Variants in PCDH15 observed in about 807,000 individuals in gnomAD.
PCDH15 encodes protocadherin related 15.
A neutral mutation model predicts 178.5 loss-of-function variants in PCDH15; 129 were observed. The observed-to-expected ratio is 0.72, with a 90% confidence interval of 0.63 to 0.84. The LOEUF (loss-of-function observed/expected upper bound fraction) is 0.84. Ranked by LOEUF, PCDH15 falls within the 40% of genes least tolerant of loss-of-function variation. The pLI is 0.00. For synonymous variants in PCDH15, 800 were observed against 732.0 expected (o/e 1.09, Z -1.50); for missense variants, 2,230 against 2,099.9 (o/e 1.06, Z -1.21).
chr10:54,414,630 T>G (rs377311011), intron 3 of PCDH15, among the ~76,000 whole-genome samples: 1 of 152,254 alleles, frequency 6.6e-6, no homozygotes. Context: ...TATGAAAATA[T>G]TAACTGATTT....
intron 1 of PCDH15, among the ~76,000 whole-genome samples, chr10:55,287,115 T>C (rs1408932652): frequency 1.3e-5 from 2 of 151,806 alleles, no homozygotes; most frequent in African/African-American, 2.4e-5. Context: ...ATATTCACAA[T>C]AAGAAAAAAA....
chr10:55,009,373 A>G (rs997333495), intron 2 of PCDH15, among the ~76,000 whole-genome samples: 1 of 152,172 alleles, frequency 6.6e-6, no homozygotes, highest in Middle Eastern at 3.4e-3. Context: ...AACAGCATTA[A>G]CAAGACTAGA....
chr10:54,241,775 C>T (rs2055324783), intron 8 of PCDH15, among the ~76,000 whole-genome samples: 1 of 151,688 alleles, frequency 6.6e-6, no homozygotes, highest in Admixed American at 6.6e-5. Context: ...GAATTAGGTC[C>T]ATATAAAGAG....
At chr10:53,807,533 A>G (rs1233243070) in intron 37 of PCDH15, among the ~76,000 whole-genome samples, 3 of 152,174 alleles carry the variant, frequency 2.0e-5, no homozygotes, top group Non-Finnish European at 4.4e-5. Context: ...GTTCATATTA[A>G]CGCTTCTATT....
chr10:53,934,618 C>T (rs1365584505), intron 25 of PCDH15, among the ~76,000 whole-genome samples: 3 of 151,546 alleles, frequency 2.0e-5, no homozygotes, highest in Middle Eastern at 3.4e-3. Context: ...AAAAATCACA[C>T]GGAGATGTAA....
intron 10 of PCDH15, among the ~76,000 whole-genome samples, chr10:54,204,362 A>C (rs918514906): frequency 1.9e-5 from 1 of 52,862 alleles, no homozygotes; most frequent in African/African-American, 8.4e-5. Flanking sequence ...TGCAAAAAAA[A>C]AAAGAGAAAA....
chr10:54,234,656 A>G (rs1591335263), intron 9 of PCDH15, among the ~76,000 whole-genome samples: 1 of 152,338 alleles, frequency 6.6e-6, no homozygotes, highest in East Asian at 1.9e-4. Context: ...TAACATGGAC[A>G]GTACAATTTC....
intron 34 of PCDH15, among the ~76,000 whole-genome samples, chr10:53,817,527 C>CT (rs568238130): frequency 0.035 from 3,354 of 95,026 alleles, 58 homozygotes; most frequent in Middle Eastern, 0.075. Flanking sequence ...TTTTTTTTTT[C>CT]TTTTTTTTTT....
chr10:54,924,558 C>T (rs1035117433), intron 2 of PCDH15, among the ~76,000 whole-genome samples: 23 of 88,322 alleles, frequency 2.6e-4, no homozygotes, highest in African/African-American at 7.2e-4. Flanking sequence ...TACACTCCCC[C>T]CATAGCATAT....
intron 19 of PCDH15, 39 bp downstream of exon 19, chr10:54,022,853 A>C (rs960109023): frequency 6.2e-7 from 1 of 1,603,402 alleles, no homozygotes; most frequent in Non-Finnish European, 8.5e-7. Flanking sequence ...CAAATCTCCT[A>C]ATGTAGGATT....
At chr10:54,975,635 A>G (rs1839050815) in intron 2 of PCDH15, among the ~76,000 whole-genome samples, 1 of 152,278 alleles carries the variant, frequency 6.6e-6, no homozygotes, top group South Asian at 2.1e-4. Flanking sequence ...AAAGATAACT[A>G]GAAGTTAGTA....
chr10:55,320,762 G>T (rs555186156), upstream of PCDH15, among the ~76,000 whole-genome samples: 1 of 151,992 alleles, frequency 6.6e-6, no homozygotes, highest in Non-Finnish European at 1.5e-5. Flanking sequence ...AAAGATAAAA[G>T]AAAAATAAAA....
At chr10:54,028,829 C>T (rs1475847078) in intron 18 of PCDH15, among the ~76,000 whole-genome samples, 2 of 149,088 alleles carry the variant, frequency 1.3e-5, no homozygotes, top group African/African-American at 2.5e-5. Flanking sequence ...GGGAGATATA[C>T]CTAATGCTAG....
intron 2 of PCDH15, among the ~76,000 whole-genome samples, chr10:55,560,302 G>A (rs1233386116): frequency 6.6e-6 from 1 of 151,864 alleles, no homozygotes; most frequent in East Asian, 1.9e-4. Context: ...AGTATTCTTA[G>A]ACTGGGAATG....
intron 2 of PCDH15, among the ~76,000 whole-genome samples, chr10:55,021,967 G>A (rs1463001492): frequency 6.6e-6 from 1 of 152,108 alleles, no homozygotes; most frequent in Non-Finnish European, 1.5e-5. Flanking sequence ...CAGTCGCATG[G>A]TGGAATCTAA....
chr10:55,413,632 G>A (rs1031255759), intron 2 of PCDH15, among the ~76,000 whole-genome samples: 1 of 151,534 alleles, frequency 6.6e-6, no homozygotes, highest in Non-Finnish European at 1.5e-5. Flanking sequence ...ACATTTTACA[G>A]TATTTCCTTT....
At chr10:54,292,558 C>A (rs1443850820) in intron 8 of PCDH15, among the ~76,000 whole-genome samples, 2 of 152,158 alleles carry the variant, frequency 1.3e-5, no homozygotes, top group East Asian at 3.9e-4. Flanking sequence ...GACATGATTG[C>A]ATATTTAGAA....
chr10:54,277,856 G>A (rs2132639561), intron 8 of PCDH15, among the ~76,000 whole-genome samples: 1 of 150,866 alleles, frequency 6.6e-6, no homozygotes, highest in East Asian at 1.9e-4. Context: ...GAGTATAGAG[G>A]AAGCCAATAT....
intron 2 of PCDH15, among the ~76,000 whole-genome samples, chr10:55,070,771 G>A (rs578222238): frequency 1.3e-5 from 2 of 151,910 alleles, no homozygotes; most frequent in Non-Finnish European, 2.9e-5. Flanking sequence ...CTCTTTTTTG[G>A]TTCCATATGA....
Sources: allele counts gnomAD v4.1 joint callset (sites outside exome capture counted in the v4.1 genomes callset), GRCh38; gene constraint gnomAD v4.1.1; transcripts MANE v1.5; gene names NCBI Gene and HGNC (gene_info 2026-07-23, HGNC 2026-07-21).